The following PLCL1 variants were observed in gnomAD, a reference collection of about 807,000 sequenced individuals.
The protein encoded by PLCL1 is inactive phospholipase C-like protein 1.
Under a neutral mutation model 84.4 loss-of-function variants are expected in PLCL1, and 41 were observed. The observed-to-expected ratio is 0.49, with a 90% CI of 0.38 to 0.63. PLCL1 has a LOEUF of 0.63. Ranked by LOEUF, PLCL1 falls within the 30% of genes least tolerant of loss-of-function variation. The pLI, the probability that PLCL1 is intolerant of heterozygous loss-of-function variation, is 0.00. For synonymous variants in PLCL1, 490 were observed against 488.3 expected (o/e 1.00, Z -0.05); for missense variants, 1,206 against 1,367.8 (o/e 0.88, Z 1.87).
At chr2:197,895,605 G>A (rs1026173600) in intron 1 of PLCL1, among the ~76,000 whole-genome samples, 1 of 151,864 alleles carries the variant, frequency 6.6e-6, no homozygotes, top group Non-Finnish European at 1.5e-5. Flanking sequence ...TTATATATAT[G>A]TACTTTAAAT....
At chr2:197,902,488 G>A (rs886842873) in intron 1 of PLCL1, among the ~76,000 whole-genome samples, 2 of 152,168 alleles carry the variant, frequency 1.3e-5, no homozygotes, top group Non-Finnish European at 1.5e-5. Context: ...GGACATCAAG[G>A]AGAACAAAGA....
intron 1 of PLCL1, among the ~76,000 whole-genome samples, chr2:197,852,694 GT>G (rs1166835777): frequency 4.6e-5 from 7 of 152,090 alleles, no homozygotes; most frequent in African/African-American, 2.4e-5. Flanking sequence ...CGGGTTGTAG[GT>G]AGCTTTGGCC....
At chr2:197,853,540 A>G (rs768215176) in intron 1 of PLCL1, among the ~76,000 whole-genome samples, 2 of 152,178 alleles carry the variant, frequency 1.3e-5, no homozygotes, top group Non-Finnish European at 2.9e-5. Context: ...GAGGGCTATC[A>G]GGGTTAGAGA....
intron 5 of PLCL1, among the ~76,000 whole-genome samples, chr2:198,134,453 C>T (rs796598463): frequency 2.5e-4 from 38 of 151,974 alleles, no homozygotes; most frequent in African/African-American, 8.5e-4. Flanking sequence ...ACTCATTGGG[C>T]GGAGGGTGGA....
At chr2:197,903,217 C>G (rs369555748) in intron 1 of PLCL1, among the ~76,000 whole-genome samples, 17 of 152,094 alleles carry the variant, frequency 1.1e-4, no homozygotes, top group Non-Finnish European at 5.9e-5. Context: ...CATATGATCT[C>G]TATTGCTACT....
intron 1 of PLCL1, among the ~76,000 whole-genome samples, chr2:198,052,851 T>G (rs1213058502): frequency 6.6e-6 from 1 of 152,140 alleles, no homozygotes; most frequent in Non-Finnish European, 1.5e-5. Context: ...CTAAATAAAA[T>G]GAGGTACCTC....
intron 1 of PLCL1, among the ~76,000 whole-genome samples, chr2:197,842,493 C>G (rs1278885934): frequency 1.3e-5 from 2 of 152,152 alleles, no homozygotes; most frequent in African/African-American, 4.8e-5. Flanking sequence ...CCTCTAAACA[C>G]TGTCTCTCAA....
intron 1 of PLCL1, among the ~76,000 whole-genome samples, chr2:197,817,097 G>A (rs904277393): frequency 2.6e-5 from 4 of 152,048 alleles, no homozygotes; most frequent in Non-Finnish European, 5.9e-5. Flanking sequence ...GCTTTCTTTT[G>A]TATGTCAGTT....
At chr2:198,132,082 A>T (rs900232309) in intron 5 of PLCL1, among the ~76,000 whole-genome samples, 1 of 152,116 alleles carries the variant, frequency 6.6e-6, no homozygotes, top group Non-Finnish European at 1.5e-5. Flanking sequence ...ATTCCTCTCT[A>T]TATTTTCTAG....
intron 1 of PLCL1, among the ~76,000 whole-genome samples, chr2:197,866,262 C>T (rs1427078097): frequency 1.4e-5 from 2 of 146,972 alleles, no homozygotes. Flanking sequence ...TTTATGATAG[C>T]TTTTCTTAGA....
chr2:197,837,035 T>G (rs1225268986), intron 1 of PLCL1, among the ~76,000 whole-genome samples: 1 of 152,054 alleles, frequency 6.6e-6, no homozygotes, highest in Non-Finnish European at 1.5e-5. Flanking sequence ...TAAGTATCAG[T>G]TTTTGTGAGA....
intron 1 of PLCL1, among the ~76,000 whole-genome samples, chr2:197,878,498 C>T (rs528211348): frequency 2.4e-3 from 368 of 152,198 alleles, no homozygotes; most frequent in Admixed American, 7.8e-3. Flanking sequence ...TTAAAGTCAG[C>T]CTATCTTTTG....
At chr2:198,029,771 G>C (rs1023831246) in intron 1 of PLCL1, among the ~76,000 whole-genome samples, 2 of 148,268 alleles carry the variant, frequency 1.3e-5, no homozygotes, top group Non-Finnish European at 3.0e-5. Context: ...CGCAATCTTG[G>C]CTCACTACGA....
At chr2:197,927,929 C>A (rs990085138) in intron 1 of PLCL1, among the ~76,000 whole-genome samples, 1 of 152,100 alleles carries the variant, frequency 6.6e-6, no homozygotes, top group Non-Finnish European at 1.5e-5. Context: ...TAGTTTTCCC[C>A]TCTTTTAGGA....
intron 1 of PLCL1, among the ~76,000 whole-genome samples, chr2:197,863,135 T>G (rs751609040): frequency 1.3e-5 from 2 of 151,764 alleles, no homozygotes; most frequent in Non-Finnish European, 2.9e-5. Context: ...TAGATAAGAG[T>G]TTGCACTCTC....
intron 3 of PLCL1, among the ~76,000 whole-genome samples, chr2:198,097,701 G>A (rs1693234989): frequency 6.6e-6 from 1 of 152,188 alleles, no homozygotes; most frequent in Non-Finnish European, 1.5e-5. Flanking sequence ...TGAATGTGGA[G>A]ACAAACGTCC....
At chr2:197,905,705 A>G (rs1187737106) in intron 1 of PLCL1, among the ~76,000 whole-genome samples, 1 of 152,006 alleles carries the variant, frequency 6.6e-6, no homozygotes, top group Non-Finnish European at 1.5e-5. Flanking sequence ...AAGCGTTCCT[A>G]TTTCTCCACA....
intron 1 of PLCL1, among the ~76,000 whole-genome samples, chr2:197,906,125 C>A (rs1028956342): frequency 6.6e-6 from 1 of 152,174 alleles, no homozygotes; most frequent in Non-Finnish European, 1.5e-5. Flanking sequence ...GTGTTTTAGT[C>A]ATGACGTCTT....
In PLCL1 at chr2:197,824,724, A is replaced by C. The variant is rs1018543651; in HGVS notation, c.240+19385A>C. 4.5e-4 allele frequency among the ~76,000 whole-genome samples: 68 copies of C among 151,888 alleles called. 1 individual carries two copies. The highest frequency in any genetic ancestry group is 1.4e-3 in the African/African-American group (56 of 41,430). On this transcript the variant is annotated intron_variant, in intron 1 of 5. Transcript: ENST00000428675. ...GCGAGACCCTGTCTCAAAAAAAAAA[A>C]AAAAAAAAAAACATGTCTGACTCCT...
Sources: allele counts gnomAD v4.1 joint callset (sites outside exome capture counted in the v4.1 genomes callset), GRCh38; gene constraint gnomAD v4.1.1; transcripts MANE v1.5; gene names NCBI Gene and HGNC (gene_info 2026-07-23, HGNC 2026-07-21).